Variants in RABGAP1L observed in about 807,000 individuals in gnomAD.
The protein encoded by RABGAP1L is rab GTPase-activating protein 1-like.
A neutral mutation model predicts 137.7 loss-of-function variants in RABGAP1L; 63 were observed. That is an observed-to-expected ratio of 0.46 (90% confidence interval 0.37 to 0.56). The LOEUF is 0.56. Ranked by LOEUF, RABGAP1L falls within the 20% of genes least tolerant of loss-of-function variation. The pLI is 0.00. For missense variants in RABGAP1L, 1,095 were observed against 1,244.0 expected, an observed-to-expected ratio of 0.88 and a Z score of 1.80; for synonymous variants, 431 against 433.7, an observed-to-expected ratio of 0.99 and a Z score of 0.08.
intron 13 of RABGAP1L, among the ~76,000 whole-genome samples, chr1:174,406,990 T>C (rs1489447367): frequency 6.6e-6 from 1 of 152,238 alleles, no homozygotes; most frequent in Non-Finnish European, 1.5e-5. Context: ...AGCACATATT[T>C]CTAGAACATA....
At chr1:174,480,880 TTAA>T (rs1350197019) in intron 13 of RABGAP1L, among the ~76,000 whole-genome samples, 1 of 152,200 alleles carries the variant, frequency 6.6e-6, no homozygotes, top group Non-Finnish European at 1.5e-5. Context: ...TTCTAGTTTA[TTAA>T]TAACCCAAGA....
At chr1:174,176,278 C>T (rs1249612558) in intron 1 of RABGAP1L, among the ~76,000 whole-genome samples, 1 of 152,138 alleles carries the variant, frequency 6.6e-6, no homozygotes, top group East Asian at 1.9e-4. Flanking sequence ...TAACCTGTTA[C>T]ATTTAAAATC....
intron 13 of RABGAP1L, among the ~76,000 whole-genome samples, chr1:174,543,295 A>G (rs527927534): frequency 1.3e-5 from 2 of 152,284 alleles, no homozygotes; most frequent in Non-Finnish European, 1.5e-5. Context: ...GGGTGCATAT[A>G]TATTTAGGAT....
chr1:174,569,964 A>G (rs1347378135), intron 13 of RABGAP1L, among the ~76,000 whole-genome samples: 1 of 152,202 alleles, frequency 6.6e-6, no homozygotes, highest in Non-Finnish European at 1.5e-5. Context: ...GGCTTTTGGG[A>G]AAAAATGATA....
At chr1:174,193,574 G>A (rs1370133037) in intron 1 of RABGAP1L, among the ~76,000 whole-genome samples, 1 of 152,102 alleles carries the variant, frequency 6.6e-6, no homozygotes, top group Admixed American at 6.5e-5. Context: ...AACTAATATT[G>A]TTTCTCTGAC....
At chr1:174,310,649 G>C (rs895289964) in intron 11 of RABGAP1L, among the ~76,000 whole-genome samples, 4 of 152,046 alleles carry the variant, frequency 2.6e-5, no homozygotes, top group African/African-American at 9.7e-5. Context: ...AATTGTTATA[G>C]TCTCTTGCTG....
In RABGAP1L at chr1:174,768,289, C is replaced by T. The variant is rs551465286; in HGVS notation, c.2211+15935C>T. ...TGTCAGGTGACCATCAGGTAATGGT[C>T]ATGCAGTTGTTAAACTATCTAACAT... On this transcript the variant is annotated intron_variant, in intron 18 of 25. Transcript: ENST00000681986. Among the ~76,000 whole-genome samples the T allele has an allele frequency of 2.6e-5, 4 of 152,296 alleles. No homozygotes were observed. The South Asian group carries it at 8.3e-4, about 32-fold the overall frequency.
At chr1:174,362,593 C>T (rs567554338) in intron 11 of RABGAP1L, among the ~76,000 whole-genome samples, 20 of 152,176 alleles carry the variant, frequency 1.3e-4, no homozygotes, top group Admixed American at 9.2e-4. Context: ...GAGAGATGTT[C>T]GTTCATGTCC....
chr1:174,181,719 C>G (rs1012556033), intron 1 of RABGAP1L, among the ~76,000 whole-genome samples: 4 of 152,148 alleles, frequency 2.6e-5, no homozygotes, highest in African/African-American at 9.7e-5. Flanking sequence ...TACTAAGGGA[C>G]TGTAACCACC....
chr1:174,341,485 A>G (rs920079739), intron 11 of RABGAP1L, among the ~76,000 whole-genome samples: 2 of 152,176 alleles, frequency 1.3e-5, no homozygotes, highest in Non-Finnish European at 2.9e-5. Context: ...AGTAGGAGGG[A>G]AGTTCAGTTT....
At chr1:174,834,603 GC>G (rs966673573) in intron 19 of RABGAP1L, among the ~76,000 whole-genome samples, 6 of 113,094 alleles carry the variant, frequency 5.3e-5, no homozygotes, top group South Asian at 6.4e-4. Flanking sequence ...GCCCATCCCC[GC>G]CCCCCCCGCC....
At chr1:174,406,907 A>G (rs1053232046) in intron 13 of RABGAP1L, among the ~76,000 whole-genome samples, 7 of 152,288 alleles carry the variant, frequency 4.6e-5, no homozygotes, top group African/African-American at 7.2e-5. Flanking sequence ...TTTTGCATCA[A>G]CCTAGTCTCA....
Position 174,241,530 on chromosome 1 carries a change from A to T in RABGAP1L, c.590A>T (p.Tyr197Phe). 1.2e-6 allele frequency: 2 copies of T among 1,611,814 alleles called. No homozygotes were observed. Among genetic ancestry groups the T allele is most frequent in the Non-Finnish European group, 1.7e-6 (2 of 1,178,614 alleles). The change falls in exon 5 of 26, where the codon TAT (tyrosine) becomes TTT (phenylalanine). Residue 197 changes from tyrosine (Y) to phenylalanine (F), a missense_variant. Physicochemically the swap from Tyr to Phe is conservative, Grantham distance 22. This residue lies in a region of RABGAP1L where 356 missense variants were observed against 326.3 expected (regional missense o/e 1.09). Transcript: ENST00000681986. Reference sequence around the variant, plus strand: ...GTGGAGATAGCATCTTTTCCAATCTATAAGGTGTTATTCTGTGCACGTGGA... The same window carrying T: ...GTGGAGATAGCATCTTTTCCAATCTTTAAGGTGTTATTCTGTGCACGTGGA... ...SNVEIASFPI[Y>F]KVLFCARGHD...
intron 1 of RABGAP1L, among the ~76,000 whole-genome samples, chr1:174,200,125 T>C (rs560048645): frequency 1.3e-5 from 2 of 152,314 alleles, no homozygotes; most frequent in South Asian, 4.1e-4. Context: ...GTCTTTTTCT[T>C]CCATGTTAGA....
At chr1:174,735,106 G>A (rs563183345) in intron 17 of RABGAP1L, among the ~76,000 whole-genome samples, 18 of 151,806 alleles carry the variant, frequency 1.2e-4, no homozygotes, top group Admixed American at 1.1e-3. Context: ...AGGACTATAG[G>A]CATGCACCAC....
At chr1:174,958,200 G>A (rs1220497743) in intron 20 of RABGAP1L, 3 of 1,357,970 alleles carry the variant, frequency 2.2e-6, no homozygotes, top group African/African-American at 2.9e-5. Context: ...AGTGGTGTTT[G>A]TTGCAACATT....
At chr1:174,798,367 C>T (rs1012310418) in intron 18 of RABGAP1L, among the ~76,000 whole-genome samples, 9 of 151,100 alleles carry the variant, frequency 6.0e-5, no homozygotes, top group African/African-American at 2.2e-4. Flanking sequence ...GCTGCCACTG[C>T]ACTCCAGCCT....
chr1:174,677,778 G>T (rs1677750958), intron 14 of RABGAP1L, among the ~76,000 whole-genome samples: 1 of 152,090 alleles, frequency 6.6e-6, no homozygotes, highest in Non-Finnish European at 1.5e-5. Context: ...AAGGTATCAA[G>T]AAATTACTGG....
chr1:174,640,446 G>A (rs1674439202), intron 14 of RABGAP1L, among the ~76,000 whole-genome samples: 2 of 151,942 alleles, frequency 1.3e-5, no homozygotes, highest in Non-Finnish European at 2.9e-5. Context: ...ATTCCCAAAA[G>A]CTGCCTGTGT....
Sources: allele counts gnomAD v4.1 joint callset (sites outside exome capture counted in the v4.1 genomes callset), GRCh38; gene constraint gnomAD v4.1.1; regional missense constraint gnomAD v4.1.1; transcripts MANE v1.5; gene names NCBI Gene and HGNC (gene_info 2026-07-23, HGNC 2026-07-21).